SLF1: variants seen among roughly 807,000 people sequenced by gnomAD.
SLF1 encodes SMC5-SMC6 complex localization factor protein 1.
A neutral mutation model predicts 123.0 loss-of-function variants in SLF1; 105 were observed. The observed-to-expected ratio is 0.85, with a 90% CI of 0.73 to 1.00. SLF1 has a LOEUF of 1.00. Ranked by LOEUF, SLF1 falls within the 50% of genes least tolerant of loss-of-function variation. SLF1 has a pLI of 0.00. For synonymous variants in SLF1, 434 were observed against 406.6 expected (o/e 1.07, Z -0.81); for missense variants, 1,239 against 1,223.0 (o/e 1.01, Z -0.20).
At chr5:94,635,430 T>A (rs1214011844) in intron 4 of SLF1, among the ~76,000 whole-genome samples, 1 of 151,144 alleles carries the variant, frequency 6.6e-6, no homozygotes, top group Non-Finnish European at 1.5e-5. Context: ...TGTTTAGGGT[T>A]ATTATCGGTG....
chr5:94,653,516 A>G, intron 8 of SLF1, 95 bp downstream of exon 8: 2 of 1,107,480 alleles, frequency 1.8e-6, no homozygotes, highest in Admixed American at 3.7e-5. Flanking sequence ...TTTAAGAAAA[A>G]ATCTTGAGTC....
At chr5:94,627,516 A>G (rs1011127567) in intron 1 of SLF1, among the ~76,000 whole-genome samples, 4 of 148,738 alleles carry the variant, frequency 2.7e-5, no homozygotes, top group Admixed American at 6.8e-5. Flanking sequence ...ATAAACTTAG[A>G]TTTTTTTTAA....
chr5:94,623,248 A>G (rs931153956), intron 1 of SLF1, among the ~76,000 whole-genome samples: 1 of 152,170 alleles, frequency 6.6e-6, no homozygotes, highest in Admixed American at 6.5e-5. Context: ...GGGAAACTCC[A>G]TACCACAGAG....
At chr5:94,635,589 T>G (rs1301775593) in intron 4 of SLF1, among the ~76,000 whole-genome samples, 46 of 152,038 alleles carry the variant, frequency 3.0e-4, no homozygotes, top group Non-Finnish European at 1.5e-5. Context: ...TTATGTTTTG[T>G]GTATCTAGTA....
At position 94,686,662 on chromosome 5, in the gene SLF1, TTG is replaced by T; in HGVS notation, c.2069_2070del (p.Cys690SerfsTer10). ...MFVAEAVFKK[L>X]CLQSSGSVSS... ...TGTTGCAGAGGCAGTCTTTAAAAAGTTGTGTCTACAGAGCTCTGGCAGTGTTT... is the reference window on the plus strand; with the variant it reads ...TGTTGCAGAGGCAGTCTTTAAAAAGTTGTCTACAGAGCTCTGGCAGTGTTT... On this transcript the variant is annotated frameshift_variant, in exon 16 of 21. Transcript: ENST00000265140. LOFTEE classifies it high-confidence loss of function. The T allele has an allele frequency of 6.2e-7, 1 of 1,614,160 alleles. No individual in the cohort carries two copies. Among genetic ancestry groups the T allele is most frequent in the Non-Finnish European group, 8.5e-7 (1 of 1,179,984 alleles).
chr5:94,619,991 A>C (rs990299022), intron 1 of SLF1: 1 of 152,004 alleles, frequency 6.6e-6, no homozygotes, highest in African/African-American at 2.4e-5. Context: ...CAATTCTCCT[A>C]TCTCAGCCTC....
intron 1 of SLF1, 59 bp downstream of exon 1, chr5:94,618,824 G>C (rs1206279342): frequency 6.5e-6 from 1 of 154,876 alleles, no homozygotes; most frequent in African/African-American, 2.4e-5. Flanking sequence ...ATGTTTCTTC[G>C]CCGGGCGGTA....
chr5:94,645,200 A>C (rs1167657982), intron 5 of SLF1, among the ~76,000 whole-genome samples: 2 of 152,196 alleles, frequency 1.3e-5, no homozygotes, highest in East Asian at 3.9e-4. Flanking sequence ...AAAGCCACTG[A>C]TGGGCTGACT....
At chr5:94,677,370 A>G (rs960089117) in intron 14 of SLF1, among the ~76,000 whole-genome samples, 7 of 152,190 alleles carry the variant, frequency 4.6e-5, no homozygotes, top group Non-Finnish European at 1.0e-4. Flanking sequence ...GGCATGTGAA[A>G]AGGTTTTAAT....
At chr5:94,626,298 G>T (rs977032068) in intron 1 of SLF1, among the ~76,000 whole-genome samples, 1 of 151,758 alleles carries the variant, frequency 6.6e-6, no homozygotes, top group Non-Finnish European at 1.5e-5. Context: ...ACAGTAAAGG[G>T]TTCCTTATAC....
Position 94,651,813 on chromosome 5 carries a change from A to G in SLF1, c.850A>G (p.Asn284Asp). ...SKDLKFVKMRNTFGSHTYENQ... is the reference protein window; with the variant it reads ...SKDLKFVKMRDTFGSHTYENQ... ...AGATTTGAAATTTGTTAAAATGAGA[A>G]ATACCTTTGGAAGCCATACATATGA... The change falls in exon 7 of 21, where the codon AAT (asparagine) becomes GAT (aspartate). Residue 284 changes from asparagine to aspartate, a missense_variant. Physicochemically the swap from Asn to Asp is conservative, Grantham distance 23. Coordinates refer to ENST00000265140, the MANE Select transcript of SLF1 (RefSeq NM_032290.4). 6.7e-7 allele frequency: 1 copy of G among 1,494,370 alleles called. No individual in the cohort carries two copies. The highest frequency in any genetic ancestry group is 9.0e-7 in the Non-Finnish European group (1 of 1,111,570). The allele number at this position is 1,494,370 out of a possible 1,614,324, so 92.6% of individuals were successfully genotyped here.
intron 6 of SLF1, 44 bp downstream of exon 6, chr5:94,649,641 A>G (rs1054301954): frequency 8.6e-6 from 12 of 1,392,604 alleles, no homozygotes; most frequent in African/African-American, 5.8e-5. Flanking sequence ...GATGTTTCTT[A>G]TAGAATTGTT....
chr5:94,624,761 C>G (rs544616392), intron 1 of SLF1, among the ~76,000 whole-genome samples: 1 of 151,896 alleles, frequency 6.6e-6, no homozygotes, highest in Non-Finnish European at 1.5e-5. Context: ...TTAGAATAGG[C>G]AAGATTTTAG....
rs1275361933 is a variant in SLF1, at chr5:94,653,407, T to C, written c.1018T>C (p.Tyr340His). The C allele has an allele frequency of 1.3e-6, 2 of 1,503,016 alleles. No homozygotes were observed. The highest frequency in any genetic ancestry group is 8.8e-7 in the Non-Finnish European group (1 of 1,132,900). The allele number at this position is 1,503,016 out of a possible 1,614,324, so 93.1% of individuals were successfully genotyped here. Residue 340 changes from tyrosine (Y) to histidine (H), a missense_variant, in exon 8 of 21, where the codon TAT becomes CAT. Physicochemically the swap from Tyr to His is moderately conservative, Grantham distance 83 (BLOSUM62 2). Transcript: ENST00000265140. ...AAAAAGTACCTTAAGAAGGCACATA[T>C]ATAATAGAGATCAGGTAAAGTTTGT... Reference protein sequence around the residue: ...KIKSTLRRHIYNRDQKEMKNS... With the variant: ...KIKSTLRRHIHNRDQKEMKNS...
At chr5:94,649,664 T>G in intron 6 of SLF1, 67 bp downstream of exon 6, 1 of 1,302,874 alleles carries the variant, frequency 7.7e-7, no homozygotes, top group Middle Eastern at 2.1e-4. Flanking sequence ...AGAGGCAAAG[T>G]ATGGTGGAAA....
chr5:94,652,472 A>G (rs1377647316), intron 7 of SLF1, among the ~76,000 whole-genome samples: 1 of 152,136 alleles, frequency 6.6e-6, no homozygotes, highest in Non-Finnish European at 1.5e-5. Flanking sequence ...TGAACATTTT[A>G]TAGTTTATGT....
intron 4 of SLF1, among the ~76,000 whole-genome samples, chr5:94,642,217 A>G (rs1746528719): frequency 2.0e-5 from 3 of 152,138 alleles, no homozygotes; most frequent in Non-Finnish European, 4.4e-5. Context: ...TCTATCCGTT[A>G]ATGGCAGCCA....
chr5:94,670,319 GGTT>G, intron 13 of SLF1, 40 bp downstream of exon 13: 1 of 1,388,228 alleles, frequency 7.2e-7, no homozygotes. Flanking sequence ...TCTAAATTTT[GGTT>G]GTTTTTATGC....
chr5:94,629,086 C>G lies in SLF1; in HGVS notation c.115-6C>G. 1 of 1,530,990 alleles carries G rather than the reference C, an allele frequency of 6.5e-7. No homozygotes were observed. The highest frequency in any genetic ancestry group is 8.8e-7 in the Non-Finnish European group (1 of 1,137,580). 94.8% of individuals were successfully genotyped at this position (1,530,990 alleles called of 1,614,324 possible). A position where few individuals can be genotyped will look rare whatever the true frequency, so the allele number is the denominator to read the frequency against. ...AACATTTCTTGATGTGGATTTTTCC[C>G]TCCAGAAATACAAAAATTGTACACA... On this transcript the variant is annotated splice_region_variant and splice_polypyrimidine_tract_variant and intron_variant, in intron 2 of 20. Transcript: ENST00000265140.
Sources: allele counts gnomAD v4.1 joint callset (sites outside exome capture counted in the v4.1 genomes callset), GRCh38; gene constraint gnomAD v4.1.1; transcripts MANE v1.5; gene names NCBI Gene and HGNC (gene_info 2026-07-23, HGNC 2026-07-21).